Variants in MTIF3 observed in about 807,000 individuals in gnomAD.
MTIF3 encodes mitochondrial translational initiation factor 3.
A neutral mutation model predicts 20.7 loss-of-function variants in MTIF3; 13 were observed. The observed-to-expected ratio is 0.63, with a 90% CI of 0.41 to 1.00. The LOEUF (loss-of-function observed/expected upper bound fraction) is 1.00. Ranked by LOEUF, MTIF3 falls within the 50% of genes least tolerant of loss-of-function variation. The pLI is 0.00. For missense variants in MTIF3, 295 were observed against 324.5 expected (o/e 0.91, Z 0.70); for synonymous variants, 114 against 112.5 (o/e 1.01, Z -0.08).
chr13:27,447,473 A>G (rs1184231921), intron 1 of MTIF3, among the ~76,000 whole-genome samples: 2 of 152,190 alleles, frequency 1.3e-5, no homozygotes, highest in Non-Finnish European at 2.9e-5. Flanking sequence ...TCCCACAACT[A>G]TACTCTCCGA....
chr13:27,439,313 T>C (rs951522497), intron 3 of MTIF3, among the ~76,000 whole-genome samples: 1 of 152,056 alleles, frequency 6.6e-6, no homozygotes, highest in African/African-American at 2.4e-5. Flanking sequence ...CTGGCCAACA[T>C]GGTGAAACCC....
At chr13:27,436,070 A>G (rs924518161) in intron 4 of MTIF3, among the ~76,000 whole-genome samples, 177 bp from the exon 5 acceptor site, 2 of 152,212 alleles carry the variant, frequency 1.3e-5, no homozygotes, top group Non-Finnish European at 1.5e-5. Context: ...CAATAACACC[A>G]TGTAACTAAA....
chr13:27,436,032 T>TA, intron 4 of MTIF3, 139 bp from the exon 5 acceptor site: 4 of 642,220 alleles, frequency 6.2e-6, no homozygotes, highest in Non-Finnish European at 1.1e-5. Context: ...AGTTCATACG[T>TA]ATCTGGTTAA....
Position 27,444,238 on chromosome 13 carries a change from G to A in MTIF3, c.-2+850C>T, listed in dbSNP as rs546305079. Among the ~76,000 whole-genome samples the A allele has an allele frequency of 2.5e-3, 381 of 152,116 alleles. 2 individuals carry two copies. Among genetic ancestry groups the A allele is most frequent in the African/African-American group, 8.8e-3 (366 of 41,500 alleles). ...GGAGAATGGCGTGAACCCGGGAGGC[G>A]GAGCTAGCAGTGAGCGAGATTGCGC... On this transcript the variant is annotated intron_variant, in intron 2 of 4. Coordinates refer to ENST00000381120, the MANE Select transcript of MTIF3 (RefSeq NM_152912.5).
chr13:27,450,512 T>C lies in MTIF3; in HGVS notation c.-74A>G, dbSNP rs1954335200. On this transcript the variant is annotated 5_prime_UTR_variant, in exon 1 of 5. Coordinates refer to ENST00000381120, the MANE Select transcript of MTIF3 (RefSeq NM_152912.5). ...CACGCCTCATATTTAGCATTACCTG[T>C]GCTGGGGCAAGCGATTGACATACTG... 1 of 152,346 alleles carries C rather than the reference T, an allele frequency of 6.6e-6. No homozygotes were observed. The highest frequency in any genetic ancestry group is 6.5e-5 in the Admixed American group (1 of 15,286). 9.4% of individuals were successfully genotyped at this position (152,346 alleles called of 1,614,324 possible). A position where few individuals can be genotyped will look rare whatever the true frequency, so the allele number is the denominator to read the frequency against.
intron 3 of MTIF3, among the ~76,000 whole-genome samples, chr13:27,438,021 A>G (rs1953849405): frequency 6.6e-6 from 1 of 152,206 alleles, no homozygotes; most frequent in Non-Finnish European, 1.5e-5. Context: ...ATCTACGTAG[A>G]AAAATAAAGG....
chr13:27,445,640 A>C (rs1411909303), intron 1 of MTIF3, among the ~76,000 whole-genome samples: 1 of 152,238 alleles, frequency 6.6e-6, no homozygotes, highest in African/African-American at 2.4e-5. Flanking sequence ...ATCCTAAGCC[A>C]ACGTCAGACT....
chr13:27,435,799 C>T lies in MTIF3; in HGVS notation c.713G>A (p.Cys238Tyr), dbSNP rs780590458. 1.2e-6 allele frequency: 2 copies of T among 1,614,150 alleles called. No homozygotes were observed. Among genetic ancestry groups the T allele is most frequent in the Non-Finnish European group, 1.7e-6 (2 of 1,180,014 alleles). Residue 238 changes from cysteine (C) to tyrosine (Y), a missense_variant, in exon 5 of 5, where the codon TGT becomes TAT. Cys to Tyr is a radical substitution (Grantham distance 194). Coordinates refer to ENST00000381120, the MANE Select transcript of MTIF3 (RefSeq NM_152912.5). ...QAVQGGKALM[C>Y]VLRAFSKNEE... Reference sequence around the variant, plus strand: ...ATTTTTGCTGAAAGCACGAAGAACACACATTAAAGCTTTTCCTCCTTGAAC... The same window carrying T: ...ATTTTTGCTGAAAGCACGAAGAACATACATTAAAGCTTTTCCTCCTTGAAC...
At chr13:27,445,599 AC>A (rs1209659570) in intron 1 of MTIF3, among the ~76,000 whole-genome samples, 2 of 152,340 alleles carry the variant, frequency 1.3e-5, no homozygotes, top group Admixed American at 1.3e-4. Context: ...AGGGAAAAGC[AC>A]ACTCTGCTGA....
Position 27,440,420 on chromosome 13 carries a change from G to A in MTIF3, c.29C>T (p.Thr10Ile), listed in dbSNP as rs1209779320. The A allele has an allele frequency of 6.2e-7, 1 of 1,609,040 alleles. No individual in the cohort carries two copies. The highest frequency in any genetic ancestry group is 8.5e-7 in the Non-Finnish European group (1 of 1,177,856). The change falls in exon 3 of 5, where the codon ACA (threonine) becomes ATA (isoleucine). Residue 10 changes from threonine to isoleucine, a missense_variant. Thr to Ile is a moderately conservative substitution (Grantham distance 89, BLOSUM62 -1). Transcript: ENST00000381120. Reference sequence around the variant, plus strand: ...ATTTTCAGACTTTACAGTTTGTAGTGTTAACCTCTTTAGAAAAAGAGCAGC... The same window carrying A: ...ATTTTCAGACTTTACAGTTTGTAGTATTAACCTCTTTAGAAAAAGAGCAGC... MAALFLKRL[T>I]LQTVKSENSC...
chr13:27,450,033 G>A (rs1954308991), intron 1 of MTIF3: 1 of 152,336 alleles, frequency 6.6e-6, no homozygotes, highest in African/African-American at 2.4e-5. Context: ...GTCCTGCGCA[G>A]GCGCCCTTCG....
chr13:27,449,115 G>A (rs1259171361), intron 1 of MTIF3, among the ~76,000 whole-genome samples: 2 of 151,940 alleles, frequency 1.3e-5, no homozygotes, highest in Admixed American at 6.6e-5. Context: ...CAGAACTCTA[G>A]TGATGGGATC....
At position 27,435,766 on chromosome 13, in the gene MTIF3, T is replaced by C. The variant is rs1953716642; in HGVS notation, c.746A>G (p.Lys249Arg). Residue 249 changes from lysine (K) to arginine (R), a missense_variant, in exon 5 of 5, where the codon AAG becomes AGG. Physicochemically the swap from Lys to Arg is conservative, Grantham distance 26. Coordinates refer to ENST00000381120, the MANE Select transcript of MTIF3 (RefSeq NM_152912.5). ...VLRAFSKNEE[K>R]AYKETQETQE... ...GGTCTCTTGAGTTTCTTTATATGCC[T>C]TCTCCTCATTTTTGCTGAAAGCACG... The C allele has an allele frequency of 2.5e-6, 4 of 1,614,198 alleles. No individual in the cohort carries two copies. The highest frequency in any genetic ancestry group is 3.4e-6 in the Non-Finnish European group (4 of 1,179,996).
intron 3 of MTIF3, among the ~76,000 whole-genome samples, chr13:27,438,509 T>TTTTTTA (rs1555259812): frequency 1.7e-4 from 21 of 123,698 alleles, no homozygotes; most frequent in Non-Finnish European, 2.9e-4. Context: ...TTTTTTTTTT[T>TTTTTTA]AAACACAGGG....
At chr13:27,438,481 C>CTTT (rs1566082029) in intron 3 of MTIF3, among the ~76,000 whole-genome samples, 13 of 52,060 alleles carry the variant, frequency 2.5e-4, no homozygotes, top group Admixed American at 2.0e-3. Context: ...CAGAGCAAGA[C>CTTT]TGTTTTTTTT....
chr13:27,438,110 G>A (rs1450955404), intron 3 of MTIF3, among the ~76,000 whole-genome samples: 2 of 152,096 alleles, frequency 1.3e-5, no homozygotes, highest in Non-Finnish European at 2.9e-5. Flanking sequence ...AATGAGGGAG[G>A]AGGTAGAGAA....
rs758422407 is a variant in MTIF3, at chr13:27,440,137, A to G, written c.312T>C (p.Asn104=). ...GNDLGNMHRA[N]VIRLMDERDL... ...CTCGCTCATCCATAAGTCTAATCAC[A>G]TTTGCTCGGTGCATGTTTCCCAAAT... is the stretch of plus-strand genomic sequence containing the variant. The change falls in exon 3 of 5, where the codon AAT becomes AAC. Residue 104 remains asparagine, a synonymous_variant. Coordinates refer to ENST00000381120, the MANE Select transcript of MTIF3 (RefSeq NM_152912.5). The G allele has an allele frequency of 1.9e-6, 3 of 1,614,162 alleles. No individual in the cohort carries two copies. Among genetic ancestry groups the G allele is most frequent in the South Asian group, 1.1e-5 (1 of 91,084 alleles).
intron 1 of MTIF3, among the ~76,000 whole-genome samples, chr13:27,449,486 G>A (rs1411410541): frequency 1.3e-5 from 2 of 152,162 alleles, no homozygotes; most frequent in African/African-American, 2.4e-5. Flanking sequence ...GGCCACACTG[G>A]CCATTCGGTT....
In MTIF3 at chr13:27,448,512, C is replaced by CAT. The variant is rs1196970541; in HGVS notation, c.-71+1995_-71+1996dup. ...GCCTGCGCTACCGTTACTGGGCCTT[C>CAT]ATGCTCCCCTCCCTTGGCTCTGGTT... On this transcript the variant is annotated intron_variant, in intron 1 of 4. Transcript: ENST00000381120. Among the ~76,000 whole-genome samples the CAT allele has an allele frequency of 1.3e-5, 2 of 152,188 alleles. 1 individual carries two copies. Among genetic ancestry groups the CAT allele is most frequent in the African/African-American group, 4.8e-5 (2 of 41,442 alleles).
Sources: gnomAD v4.1 joint callset for allele counts (sites outside exome capture counted in the v4.1 genomes callset) on GRCh38, gnomAD v4.1.1 for gene constraint, MANE v1.5 for transcripts, NCBI Gene and HGNC (gene_info 2026-07-23, HGNC 2026-07-21) for gene names.